Variants in PER2 observed in about 807,000 individuals in gnomAD.
PER2 encodes the protein period circadian protein homolog 2.
Under a neutral mutation model 121.0 loss-of-function variants are expected in PER2, and 66 were observed. The observed-to-expected ratio is 0.55, with a 90% CI of 0.45 to 0.67. PER2 has a LOEUF of 0.67. Ranked by LOEUF, PER2 falls within the 30% of genes least tolerant of loss-of-function variation. The probability of loss-of-function intolerance (pLI) is 0.00; values close to 1 mark genes in which losing one functional copy is unlikely to be tolerated. For missense variants in PER2, 1,521 were observed against 1,635.0 expected (o/e 0.93, Z 1.20); for synonymous variants, 684 against 659.9 (o/e 1.04, Z -0.56).
In PER2 at chr2:238,258,347, G is replaced by A. The variant is rs144640855; in HGVS notation, c.1829C>T (p.Pro610Leu). Residue 610 changes from proline (P) to leucine (L), a missense_variant, in exon 16 of 23, where the codon CCA becomes CTA. Pro to Leu is a moderately conservative substitution (Grantham distance 98, BLOSUM62 -3). Transcript: ENST00000254657. ...GGACCTTAGCGCTGGGACGTTTGCTGGGAACTCGCATTTCCTCTTCAGGGT... is the reference window on the plus strand; with the variant it reads ...GGACCTTAGCGCTGGGACGTTTGCTAGGAACTCGCATTTCCTCTTCAGGGT... ...AATLKRKCEFPANVPALRSSD... is the reference protein window; with the variant it reads ...AATLKRKCEFLANVPALRSSD... The A allele has an allele frequency of 3.9e-5, 63 of 1,614,188 alleles. No individual in the cohort carries two copies. The African/African-American group carries it at 7.5e-4, about 19-fold the overall frequency.
At chr2:238,293,327 C>T (rs1307839153), upstream of PER2, among the ~76,000 whole-genome samples, 1 of 152,094 alleles carries the variant, frequency 6.6e-6, no homozygotes, top group Non-Finnish European at 1.5e-5. Flanking sequence ...TACAGGAATT[C>T]AGTGATTAAA....
At chr2:238,273,224 G>C in intron 4 of PER2, 33 bp from the exon 5 acceptor site, 1 of 1,609,262 alleles carries the variant, frequency 6.2e-7, no homozygotes. Flanking sequence ...TCAGTGGGCA[G>C]AACCCAGCGC....
chr2:238,268,015 C>G lies in PER2; in HGVS notation c.967+41G>C. The G allele has an allele frequency of 6.2e-7, 1 of 1,608,766 alleles. No homozygotes were observed. Among genetic ancestry groups the G allele is most frequent in the Non-Finnish European group, 8.5e-7 (1 of 1,177,370 alleles). On this transcript the variant is annotated intron_variant, in intron 8 of 22. Coordinates refer to ENST00000254657, the MANE Select transcript of PER2 (RefSeq NM_022817.3). The surrounding 1 kb of genome is among the most constrained non-coding windows in gnomAD (Gnocchi z 4.0). ...AACCACAGGAGTAACTGAGGGGGAG[C>G]CAGAGACAACATCTGCCCTCGCCCT...
chr2:238,262,693 A>G (rs1348020793), intron 10 of PER2, among the ~76,000 whole-genome samples: 1 of 152,208 alleles, frequency 6.6e-6, no homozygotes, highest in Non-Finnish European at 1.5e-5. Flanking sequence ...TGAAGCCAAC[A>G]GTAAACATAA....
At position 238,288,376 on chromosome 2, in the gene PER2, G is replaced by A. The variant is rs982755233; in HGVS notation, c.-47C>T. 8 of 152,246 alleles carry A rather than the reference G, an allele frequency of 5.3e-5. No homozygotes were observed. Among genetic ancestry groups the A allele is most frequent in the Admixed American group, 1.3e-4 (2 of 15,292 alleles). The allele number at this position is 152,246 out of a possible 1,614,324, so 9.4% of individuals were successfully genotyped here. On this transcript the variant is annotated 5_prime_UTR_variant, in exon 1 of 23. Coordinates refer to ENST00000254657, the MANE Select transcript of PER2 (RefSeq NM_022817.3). The stretch of plus-strand genomic sequence containing the variant: ...TTCGGACCTCAGGCTCCTGAGCTGC[G>A]AAGCGGGGGTTCGAGTCCCCAACCC...
upstream of PER2, among the ~76,000 whole-genome samples, chr2:238,294,693 G>T (rs781074156): frequency 4.6e-4 from 70 of 152,176 alleles, no homozygotes; most frequent in Non-Finnish European, 8.4e-4. Flanking sequence ...TCATCAAGGA[G>T]AAACCACCTT....
upstream of PER2, among the ~76,000 whole-genome samples, chr2:238,292,743 T>C (rs927598768): frequency 5.3e-5 from 8 of 150,816 alleles, no homozygotes; most frequent in African/African-American, 1.9e-4. Context: ...TCTTTCTCTT[T>C]TTTTTTTTTT....
At chr2:238,260,730 G>T in intron 13 of PER2, 98 bp downstream of exon 13, 1 of 1,337,100 alleles carries the variant, frequency 7.5e-7, no homozygotes, top group Non-Finnish European at 1.1e-6. Flanking sequence ...CAATCAGGAA[G>T]CCCCTCCTAA....
chr2:238,258,773 G>A, intron 14 of PER2, 129 bp from the exon 15 acceptor site: 1 of 939,276 alleles, frequency 1.1e-6, no homozygotes, highest in Non-Finnish European at 1.7e-6. Context: ...GAGTATGGAA[G>A]CCTGGGGACA....
chr2:238,293,262 T>G (rs948122871), upstream of PER2, among the ~76,000 whole-genome samples: 1 of 152,194 alleles, frequency 6.6e-6, no homozygotes, highest in Non-Finnish European at 1.5e-5. Flanking sequence ...ATGAATAAAA[T>G]AATTAGTACC....
Position 238,262,309 on chromosome 2 carries a change from G to A in PER2, c.1189C>T (p.Pro397Ser). 1 of 1,614,066 alleles carries A rather than the reference G, an allele frequency of 6.2e-7. No individual in the cohort carries two copies. The highest frequency in any genetic ancestry group is 8.5e-7 in the Non-Finnish European group (1 of 1,179,986). ...QSGGQPFDYS[P>S]IRFRARNGEY... ...CCGTTCCGGGCGCGAAACCGAATGG[G>A]AGAATAGTCGAAAGGCTGCCCGCCT... The change falls in exon 11 of 23, where the codon CCC becomes TCC. Residue 397 changes from proline to serine, a missense_variant. Coordinates refer to ENST00000254657, the MANE Select transcript of PER2 (RefSeq NM_022817.3).
At chr2:238,258,684 C>A in intron 14 of PER2, 40 bp from the exon 15 acceptor site, 1 of 1,604,398 alleles carries the variant, frequency 6.2e-7, no homozygotes, top group Non-Finnish European at 8.5e-7. Flanking sequence ...TCATTTTTCT[C>A]CCACAGAAAA....
rs1696434375 is a variant in PER2, at chr2:238,275,782, T to C, written c.409A>G (p.Thr137Ala). 1 of 1,614,030 alleles carries C rather than the reference T, an allele frequency of 6.2e-7. No individual in the cohort carries two copies. Among genetic ancestry groups the C allele is most frequent in the Admixed American group, 1.7e-5 (1 of 60,014 alleles). ...ACGCTCCTGAGGGCGTACTTCAAGG[T>C]GGCCAGCGTACTGGCCTTGCCCTTG... ...KAKGKASTLA[T>A]LKYALRSVKQ... Residue 137 changes from threonine to alanine, a missense_variant, in exon 4 of 23, where the codon ACC becomes GCC. Physicochemically the swap from Thr to Ala is moderately conservative, Grantham distance 58. Transcript: ENST00000254657.
intron 20 of PER2, 143 bp from the exon 21 acceptor site, chr2:238,250,886 C>T (rs1695580076): frequency 1.5e-6 from 1 of 668,478 alleles, no homozygotes; most frequent in East Asian, 2.7e-5. Context: ...GCATGTTCCC[C>T]TTCTCTCCCA....
chr2:238,264,481 G>C (rs1386469824), intron 9 of PER2, among the ~76,000 whole-genome samples: 6 of 152,250 alleles, frequency 3.9e-5, no homozygotes, highest in Admixed American at 1.3e-4. Flanking sequence ...GCCAAGAGTA[G>C]AGGAGGGAGA....
At position 238,253,665 on chromosome 2, in the gene PER2, T is replaced by G; in HGVS notation, c.2358A>C (p.Ser786=). The change falls in exon 19 of 23, where the codon TCA becomes TCC. Residue 786 remains serine, a synonymous_variant. Transcript: ENST00000254657. This position sits in a 1 kb window ranked among gnomAD's most constrained non-coding sequence, Gnocchi z 5.6. ...PGLRNTSGID[S]PWKKTGKNRK... The stretch of plus-strand genomic sequence containing the variant: ...TGTTCTTTCCTGTTTTTTTCCAAGG[T>G]GAATCTATTCCGGAAGTATTTCTTA... The G allele has an allele frequency of 6.2e-7, 1 of 1,608,930 alleles. No individual in the cohort carries two copies. Among genetic ancestry groups the G allele is most frequent in the Non-Finnish European group, 8.5e-7 (1 of 1,177,312 alleles).
In PER2 at chr2:238,273,053, T is replaced by G. The variant is rs1189347551; in HGVS notation, c.570+17A>C. On this transcript the variant is annotated intron_variant, in intron 5 of 22. Coordinates refer to ENST00000254657, the MANE Select transcript of PER2 (RefSeq NM_022817.3). ...CTCCTGCCATTTTAGAAAGAAACTT[T>G]GCGGAAAGAGGCTTACGGCATTCTT... is the stretch of plus-strand genomic sequence containing the variant. 6.2e-7 allele frequency: 1 copy of G among 1,613,940 alleles called. No homozygotes were observed. Among genetic ancestry groups the G allele is most frequent in the Admixed American group, 1.7e-5 (1 of 60,030 alleles).
intron 6 of PER2, among the ~76,000 whole-genome samples, chr2:238,270,465 C>T (rs1696250065): frequency 6.6e-6 from 1 of 152,080 alleles, no homozygotes; most frequent in Non-Finnish European, 1.5e-5. Context: ...TCATACATTT[C>T]ATCTACTCAA....
rs565274468 is a variant in PER2 at position 238,276,016 on chromosome 2, C to T, written c.294-119G>A. The T allele has an allele frequency of 1.5e-5, 11 of 737,684 alleles. No homozygotes were observed. The South Asian group carries it at 1.6e-4, about 11-fold the overall frequency. The allele number at this position is 737,684 out of a possible 1,614,324, so 45.7% of individuals were successfully genotyped here. The stretch of plus-strand genomic sequence containing the variant: ...TCTAGAGATGTTCTGGTCTGGGTGG[C>T]CCTTTGTGGGGCTCTGTAGATTTTC... On this transcript the variant is annotated intron_variant, in intron 3 of 22. Coordinates refer to ENST00000254657, the MANE Select transcript of PER2 (RefSeq NM_022817.3).
Sources: allele counts gnomAD v4.1 joint callset (sites outside exome capture counted in the v4.1 genomes callset), GRCh38; gene constraint gnomAD v4.1.1; non-coding constraint Gnocchi (gnomAD v3.1); transcripts MANE v1.5; gene names NCBI Gene and HGNC (gene_info 2026-07-23, HGNC 2026-07-21).